Variants in ATXN1 observed in about 807,000 individuals in gnomAD.
The protein encoded by ATXN1 is ataxin-1.
A neutral mutation model predicts 56.4 loss-of-function variants in ATXN1; 8 were observed. The ratio of observed to expected loss-of-function variants is 0.14; its 90% CI spans 0.08 to 0.26. ATXN1 has a LOEUF of 0.26. Among genes scored for constraint, ATXN1 ranks in the 10% least tolerant of loss-of-function variants. The pLI, the probability that ATXN1 is intolerant of heterozygous loss-of-function variation, is 1.00. For missense variants in ATXN1, 987 were observed against 1,106.5 expected, an observed-to-expected ratio of 0.89 and a Z score of 1.53; for synonymous variants, 514 against 494.6, an observed-to-expected ratio of 1.04 and a Z score of -0.52.
chr6:16,751,509 C>T (rs1024225225), intron 2 of ATXN1, among the ~76,000 whole-genome samples: 1 of 151,944 alleles, frequency 6.6e-6, no homozygotes, highest in Non-Finnish European at 1.5e-5. Context: ...TTCAGTCACT[C>T]AGGTTTTTGT....
chr6:16,383,019 T>C (rs887415554), intron 6 of ATXN1, among the ~76,000 whole-genome samples: 2 of 152,040 alleles, frequency 1.3e-5, no homozygotes, highest in African/African-American at 4.8e-5. Flanking sequence ...CCCAGGACGA[T>C]TGCTCTTCCT....
chr6:16,697,439 A>G (rs1229012563), intron 2 of ATXN1, among the ~76,000 whole-genome samples: 1 of 151,356 alleles, frequency 6.6e-6, no homozygotes, highest in Non-Finnish European at 1.5e-5. Flanking sequence ...TCTTTTTAAC[A>G]GCACTCTTTT....
chr6:16,448,264 G>C (rs1368725060), intron 6 of ATXN1, among the ~76,000 whole-genome samples: 1 of 151,968 alleles, frequency 6.6e-6, no homozygotes, highest in Non-Finnish European at 1.5e-5. Flanking sequence ...TGCTCCTCTG[G>C]CAAATGAGTT....
At chr6:16,584,122 G>T (rs1430432041) in intron 4 of ATXN1, among the ~76,000 whole-genome samples, 2 of 151,094 alleles carry the variant, frequency 1.3e-5, no homozygotes, top group Non-Finnish European at 2.9e-5. Flanking sequence ...CAGCAGAGCT[G>T]GAATTTGAGC....
At position 16,484,415 on chromosome 6, in the gene ATXN1, C is replaced by G. The variant is rs116934384; in HGVS notation, c.-161+1557G>C. 1.0e-3 allele frequency among the ~76,000 whole-genome samples: 155 copies of G among 152,234 alleles called. 3 individuals carry two copies. The East Asian group carries it at 0.028, about 27-fold the overall frequency. On this transcript the variant is annotated intron_variant, in intron 6 of 7. Coordinates refer to ENST00000436367, the MANE Select transcript of ATXN1 (RefSeq NM_001128164.2). ...TGCCATTGCACTCCAGCCTGGGTGA[C>G]AGAGTAAGGCACCACCTCAATTAAA...
chr6:16,486,506 G>A lies in ATXN1; in HGVS notation c.-298-397C>T, dbSNP rs73724879. Among the ~76,000 whole-genome samples, 1,381 of 152,256 alleles carry A rather than the reference G, an allele frequency of 9.1e-3. 5 individuals carry two copies. The highest frequency in any genetic ancestry group is 0.014 in the Middle Eastern group (4 of 294). The stretch of plus-strand genomic sequence containing the variant: ...TTCTTGCAAAGCACACACAGTTCCC[G>A]AGAAGAAATCCACTATGTTAATGCA... On this transcript the variant is annotated intron_variant, in intron 5 of 7. Coordinates refer to ENST00000436367, the MANE Select transcript of ATXN1 (RefSeq NM_001128164.2).
chr6:16,568,395 A>G (rs896860685), intron 4 of ATXN1, among the ~76,000 whole-genome samples: 1 of 152,266 alleles, frequency 6.6e-6, no homozygotes, highest in East Asian at 1.9e-4. Context: ...TCCAGGTTAC[A>G]TGCCCGGTAC....
intron 6 of ATXN1, among the ~76,000 whole-genome samples, chr6:16,390,230 A>G (rs1758324572): frequency 6.6e-6 from 1 of 152,178 alleles, no homozygotes; most frequent in Admixed American, 6.5e-5. Context: ...ACTTCCCAAG[A>G]ACTTCTGGCA....
At chr6:16,679,466 G>A (rs986150994) in intron 2 of ATXN1, among the ~76,000 whole-genome samples, 1 of 152,170 alleles carries the variant, frequency 6.6e-6, no homozygotes, top group East Asian at 1.9e-4. Context: ...AAGTAGGGAG[G>A]CAAAGAGAAG....
chr6:16,669,294 G>T (rs780309552), intron 2 of ATXN1, among the ~76,000 whole-genome samples: 1 of 152,078 alleles, frequency 6.6e-6, no homozygotes, highest in Non-Finnish European at 1.5e-5. Context: ...CCATTTGTAA[G>T]CTCCATTTAT....
At chr6:16,726,841 A>G (rs1759861181) in intron 2 of ATXN1, among the ~76,000 whole-genome samples, 1 of 152,160 alleles carries the variant, frequency 6.6e-6, no homozygotes, top group South Asian at 2.1e-4. Flanking sequence ...CTGGGCGACA[A>G]GAGCGAAACT....
intron 3 of ATXN1, among the ~76,000 whole-genome samples, chr6:16,649,538 G>A (rs1014216247): frequency 4.6e-5 from 7 of 152,292 alleles, no homozygotes; most frequent in African/African-American, 1.4e-4. Context: ...TTACAGTGAA[G>A]CTGAAGCAAT....
Position 16,327,913 on chromosome 6 carries a change from G to A in ATXN1, c.398C>T (p.Ser133Phe). 6.2e-7 allele frequency: 1 copy of A among 1,609,862 alleles called. No individual in the cohort carries two copies. The highest frequency in any genetic ancestry group is 8.5e-7 in the Non-Finnish European group (1 of 1,179,940). Reference protein sequence around the residue: ...LPHTFQFIGSSQYSGTYASFI... With the variant: ...LPHTFQFIGSFQYSGTYASFI... ...GCTGGCATAGGTTCCACTGTATTGG[G>A]AGGACCCAATGAACTGGAAGGTGTG... Residue 133 changes from serine to phenylalanine, a missense_variant, in exon 7 of 8, where the codon TCC becomes TTC. By Grantham distance (155) the Ser-to-Phe change is radical. This residue lies in a region of ATXN1 where 723 missense variants were observed against 791.7 expected (regional missense o/e 0.91). Transcript: ENST00000436367.
chr6:16,405,113 T>A (rs945941751), intron 6 of ATXN1, among the ~76,000 whole-genome samples: 4 of 152,096 alleles, frequency 2.6e-5, no homozygotes, highest in African/African-American at 7.2e-5. Context: ...GAGAATAGAG[T>A]TTGATATGAA....
At chr6:16,383,193 A>G (rs1049263255) in intron 6 of ATXN1, among the ~76,000 whole-genome samples, 1 of 152,168 alleles carries the variant, frequency 6.6e-6, no homozygotes, top group Non-Finnish European at 1.5e-5. Context: ...ATAAGCACAG[A>G]ACTTGTCCTC....
At chr6:16,592,820 C>T (rs1762746054) in intron 3 of ATXN1, among the ~76,000 whole-genome samples, 1 of 143,940 alleles carries the variant, frequency 6.9e-6, no homozygotes, top group Admixed American at 7.6e-5. Flanking sequence ...AACAAAGCTT[C>T]CACAGCTGGA....
chr6:16,536,645 C>T lies in ATXN1; in HGVS notation c.-360-13957G>A, dbSNP rs114283078. ...TAGGCTTCTGATTTCTCCTTTTAACCTCTTTTACAGAAAACTGCCCCCCTT... is the reference window on the plus strand; with the variant it reads ...TAGGCTTCTGATTTCTCCTTTTAACTTCTTTTACAGAAAACTGCCCCCCTT... On this transcript the variant is annotated intron_variant, in intron 4 of 7. Transcript: ENST00000436367. Among the ~76,000 whole-genome samples, 839 of 152,278 alleles carry T rather than the reference C, an allele frequency of 5.5e-3. 5 individuals are homozygous for T. Among genetic ancestry groups the T allele is most frequent in the African/African-American group, 0.019 (786 of 41,550 alleles).
At chr6:16,421,852 A>G (rs1759041342) in intron 6 of ATXN1, among the ~76,000 whole-genome samples, 1 of 152,184 alleles carries the variant, frequency 6.6e-6, no homozygotes, top group Non-Finnish European at 1.5e-5. Context: ...CTGTGCATGT[A>G]TATGTACACT....
intron 4 of ATXN1, among the ~76,000 whole-genome samples, chr6:16,540,281 G>C (rs777920790): frequency 6.6e-6 from 1 of 152,060 alleles, no homozygotes; most frequent in Non-Finnish European, 1.5e-5. Flanking sequence ...GCATGATCTC[G>C]GCTCAATGCA....
Sources: gnomAD v4.1 joint callset for allele counts (sites outside exome capture counted in the v4.1 genomes callset) on GRCh38, gnomAD v4.1.1 for gene constraint, gnomAD v4.1.1 regional missense constraint, MANE v1.5 for transcripts, NCBI Gene and HGNC (gene_info 2026-07-23, HGNC 2026-07-21) for gene names.